SORCS1: variants seen among roughly 807,000 people sequenced by gnomAD.
SORCS1 encodes the protein sortilin related VPS10 domain containing receptor 1.
A neutral mutation model predicts 146.1 loss-of-function variants in SORCS1; 60 were observed. That is an observed-to-expected ratio of 0.41 (90% CI 0.33 to 0.51). SORCS1 has a LOEUF of 0.51. Ranked by LOEUF, SORCS1 falls within the 20% of genes least tolerant of loss-of-function variation. The pLI, the probability that SORCS1 is intolerant of heterozygous loss-of-function variation, is 0.21. For missense variants in SORCS1, 1,352 were observed against 1,487.6 expected (o/e 0.91, Z 1.50); for synonymous variants, 637 against 584.0 (o/e 1.09, Z -1.31).
At chr10:106,883,045 A>G (rs1485635006) in intron 2 of SORCS1, among the ~76,000 whole-genome samples, 1 of 152,188 alleles carries the variant, frequency 6.6e-6, no homozygotes, top group African/African-American at 2.4e-5. Context: ...AAAGACCTAG[A>G]AGAGGTTCTA....
chr10:106,931,046 G>GA (rs1280347790), intron 2 of SORCS1, among the ~76,000 whole-genome samples: 1 of 152,130 alleles, frequency 6.6e-6, no homozygotes, highest in Non-Finnish European at 1.5e-5. Flanking sequence ...TGTGATTCTG[G>GA]AAAAACCACA....
chr10:106,849,998 A>T (rs1486601805), intron 2 of SORCS1, among the ~76,000 whole-genome samples: 6 of 149,660 alleles, frequency 4.0e-5, no homozygotes, highest in Non-Finnish European at 8.8e-5. Flanking sequence ...AAGCTGTCAG[A>T]CAGAGACTTT....
chr10:107,044,025 C>T lies in SORCS1; in HGVS notation c.559-87445G>A, dbSNP rs144579003. On this transcript the variant is annotated intron_variant, in intron 1 of 25. Transcript: ENST00000263054. The stretch of plus-strand genomic sequence containing the variant: ...GCTGGTGTTCCCATTCTTGTTCACA[C>T]GAACAACAGGTTGCCTACAACCATC... 3.0e-3 allele frequency among the ~76,000 whole-genome samples: 462 copies of T among 152,266 alleles called. 2 individuals are homozygous for T. The highest frequency in any genetic ancestry group is 0.011 in the African/African-American group (448 of 41,546).
the SORCS1 span, among the ~76,000 whole-genome samples, chr10:107,170,750 C>T: frequency 6.6e-6 from 1 of 152,190 alleles, no homozygotes. Flanking sequence ...GGACCAAGAG[C>T]AGGCCTCCAG....
chr10:107,178,120 C>T, the SORCS1 span, among the ~76,000 whole-genome samples: 1 of 152,126 alleles, frequency 6.6e-6, no homozygotes, highest in Non-Finnish European at 1.5e-5. Flanking sequence ...ACCTATGTAA[C>T]AAACCTGCAC....
At position 106,840,745 on chromosome 10, in the gene SORCS1, C is replaced by A. The variant is rs1212241882; in HGVS notation, c.627-11072G>T. 2.6e-5 allele frequency among the ~76,000 whole-genome samples: 4 copies of A among 151,248 alleles called. No individual in the cohort carries two copies. The South Asian group carries it at 6.2e-4, about 24-fold the overall frequency. On this transcript the variant is annotated intron_variant, in intron 2 of 25. Coordinates refer to ENST00000263054, the MANE Select transcript of SORCS1 (RefSeq NM_052918.5). ...TATTTTAAGAAATTGCCAGAGCCACCTTAATCTTCAGCAAATATCAAGGCA... is the reference window on the plus strand; with the variant it reads ...TATTTTAAGAAATTGCCAGAGCCACATTAATCTTCAGCAAATATCAAGGCA...
the SORCS1 span, among the ~76,000 whole-genome samples, chr10:107,172,071 A>G: frequency 6.6e-6 from 1 of 152,204 alleles, no homozygotes. Context: ...TAAGAAGTCA[A>G]TCAGTTCATT....
chr10:107,010,786 G>T (rs1374928155), intron 1 of SORCS1, among the ~76,000 whole-genome samples: 1 of 152,164 alleles, frequency 6.6e-6, no homozygotes, highest in African/African-American at 2.4e-5. Context: ...GGAGATAACA[G>T]GCAATCGCAG....
chr10:106,940,992 G>T (rs972945299), intron 2 of SORCS1, among the ~76,000 whole-genome samples: 3 of 152,164 alleles, frequency 2.0e-5, no homozygotes, highest in African/African-American at 4.8e-5. Context: ...TCTGGAGCTC[G>T]ACTGGTTCAG....
intron 24 of SORCS1, among the ~76,000 whole-genome samples, chr10:106,589,697 G>GAAAAA (rs1157873689): frequency 1.6e-4 from 9 of 55,766 alleles, no homozygotes; most frequent in South Asian, 6.2e-4. Context: ...CTTTGACGAC[G>GAAAAA]AAAAAAAAAA....
chr10:106,909,919 A>G (rs1363794596), intron 2 of SORCS1, among the ~76,000 whole-genome samples: 3 of 152,184 alleles, frequency 2.0e-5, no homozygotes, highest in Non-Finnish European at 4.4e-5. Context: ...AAGTCTCCAG[A>G]GCTTGTCACA....
chr10:106,874,734 G>C (rs1455763823), intron 2 of SORCS1, among the ~76,000 whole-genome samples: 1 of 152,172 alleles, frequency 6.6e-6, no homozygotes, highest in Admixed American at 6.5e-5. Context: ...AGATGTATTA[G>C]AGGAACCACA....
chr10:106,607,387 C>A (rs1846678784), intron 22 of SORCS1, 90 bp from the exon 23 acceptor site: 1 of 1,519,426 alleles, frequency 6.6e-7, no homozygotes, highest in Non-Finnish European at 8.8e-7. Context: ...CAGGGGTAGG[C>A]AGAAGACACC....
At chr10:107,044,271 G>A (rs1959202261) in intron 1 of SORCS1, among the ~76,000 whole-genome samples, 1 of 151,830 alleles carries the variant, frequency 6.6e-6, no homozygotes, top group Non-Finnish European at 1.5e-5. Context: ...ACAAGGAAAA[G>A]GAAAAGAAAG....
At chr10:106,624,344 C>T (rs1200530964) in intron 19 of SORCS1, among the ~76,000 whole-genome samples, 4 of 124,102 alleles carry the variant, frequency 3.2e-5, no homozygotes, top group Admixed American at 2.1e-4. Context: ...TGGTCAATGA[C>T]GATTTTTTTT....
chr10:106,712,101 C>G (rs2135862255), intron 6 of SORCS1, among the ~76,000 whole-genome samples: 1 of 152,266 alleles, frequency 6.6e-6, no homozygotes, highest in South Asian at 2.1e-4. Flanking sequence ...AAGCGAATCA[C>G]TGAGACAATG....
intron 18 of SORCS1, among the ~76,000 whole-genome samples, chr10:106,635,344 T>A (rs1243123958): frequency 1.3e-5 from 2 of 152,184 alleles, no homozygotes; most frequent in Non-Finnish European, 2.9e-5. Context: ...CATCAACATT[T>A]TTCTTGGAAG....
At chr10:106,939,549 A>G (rs959313549) in intron 2 of SORCS1, among the ~76,000 whole-genome samples, 3 of 152,228 alleles carry the variant, frequency 2.0e-5, no homozygotes, top group African/African-American at 7.2e-5. Context: ...TGTGCCTTTC[A>G]GGAATTGATT....
chr10:106,655,129 A>G (rs1303669649), intron 17 of SORCS1, among the ~76,000 whole-genome samples: 2 of 152,152 alleles, frequency 1.3e-5, no homozygotes, highest in East Asian at 1.9e-4. Context: ...AGTGCTGACT[A>G]AAGACATGAG....
Sources: allele counts gnomAD v4.1 joint callset (sites outside exome capture counted in the v4.1 genomes callset), GRCh38; gene constraint gnomAD v4.1.1; transcripts MANE v1.5; gene names NCBI Gene and HGNC (gene_info 2026-07-23, HGNC 2026-07-21).